The following MEX3A variants were observed in gnomAD, a reference collection of about 807,000 sequenced individuals.
The protein encoded by MEX3A is RNA-binding protein MEX3A.
MEX3A carries 4 observed loss-of-function variants against 30.0 expected under a neutral mutation model. The observed-to-expected ratio is 0.13, with a 90% CI of 0.07 to 0.30. MEX3A has a LOEUF of 0.30. MEX3A is among the 10% of genes least tolerant of loss of function. MEX3A has a pLI of 1.00. For synonymous variants in MEX3A, 335 were observed against 327.6 expected, an observed-to-expected ratio of 1.02 and a Z score of -0.24; for missense variants, 555 against 736.7, an observed-to-expected ratio of 0.75 and a Z score of 2.86.
chr1:156,072,300 T>G lies in MEX3A; in HGVS notation c.*4274A>C. 2 of 142,422 alleles carry G rather than the reference T, an allele frequency of 1.4e-5. No homozygotes were observed. Among genetic ancestry groups the G allele is most frequent in the South Asian group, 2.4e-4 (1 of 4,102 alleles). The allele number at this position is 142,422 out of a possible 1,614,324, so 8.8% of individuals were successfully genotyped here. A position where few individuals can be genotyped will look rare whatever the true frequency, so the allele number is the denominator to read the frequency against. On this transcript the variant is annotated 3_prime_UTR_variant, in exon 2 of 2. Transcript: ENST00000532414. ...CAGGGCTGTCTCCACCCACCCCCCC[T>G]TCCCCACCCGCACCCTCGAGTGGGG... is the stretch of plus-strand genomic sequence containing the variant.
Position 156,076,934 on chromosome 1 carries a change from GGTGGGCGTGGCGTTCTCC to G in MEX3A, c.1185_1202del (p.Gln395_Thr401delinsHis), listed in dbSNP as rs1648090285. The stretch of plus-strand genomic sequence containing the variant: ...AGGAGGCAGAGGAGAAGAGCACGGA[GGTGGGCGTGGCGTTCTCC>G]TGGCCCGCCCACAGCGGGGGGCTAG... On this transcript the variant is annotated inframe_deletion, in exon 2 of 2. Coordinates refer to ENST00000532414, the MANE Select transcript of MEX3A (RefSeq NM_001093725.2). The surrounding 1 kb of genome is among the most constrained non-coding windows in gnomAD (Gnocchi z 6.0). The G allele has an allele frequency of 6.2e-7, 1 of 1,602,444 alleles. No homozygotes were observed. The highest frequency in any genetic ancestry group is 1.3e-5 in the African/African-American group (1 of 74,724).
Position 156,077,606 on chromosome 1 carries a change from G to T in MEX3A, c.531C>A (p.Phe177Leu). ...KTPVRGEEPVFMVTGRREDVA... is the reference protein window; with the variant it reads ...KTPVRGEEPVLMVTGRREDVA... ...CGTCCTCCCGTCGCCCTGTCACCAT[G>T]AACACTGGTTCCTCGCCCCTCACCG... is the stretch of plus-strand genomic sequence containing the variant. Residue 177 changes from phenylalanine (F) to leucine (L), a missense_variant, in exon 2 of 2, where the codon TTC becomes TTA. Phe to Leu is a conservative substitution (Grantham distance 22). This residue lies in a region of MEX3A where 32 missense variants were observed against 107.4 expected (regional missense o/e 0.30). Coordinates refer to ENST00000532414, the MANE Select transcript of MEX3A (RefSeq NM_001093725.2). This position sits in a 1 kb window ranked among gnomAD's most constrained non-coding sequence, Gnocchi z 8.3. 6.2e-7 allele frequency: 1 copy of T among 1,610,704 alleles called. No individual in the cohort carries two copies.
In MEX3A at chr1:156,076,862, T is replaced by C. The variant is rs1181540358; in HGVS notation, c.1275A>G (p.Ala425=). 1.3e-6 allele frequency: 2 copies of C among 1,536,784 alleles called. No individual in the cohort carries two copies. The highest frequency in any genetic ancestry group is 2.8e-5 in the African/African-American group (2 of 72,720). ...SAKARAGPPG[A]HRSPATSAGP... ...CCGCGGAAGTGGCAGGGGAGCGGTG[T>C]GCGCCCGGGGGCCCAGCGCGGGCCT... Residue 425 remains alanine (A), a synonymous_variant, in exon 2 of 2, where the codon GCA becomes GCG. Transcript: ENST00000532414. This position sits in a 1 kb window ranked among gnomAD's most constrained non-coding sequence, Gnocchi z 6.0.
rs867531733 is a variant in MEX3A, at chr1:156,077,518, G to A, written c.619C>T (p.Arg207Cys). 1.2e-6 allele frequency: 2 copies of A among 1,612,534 alleles called. No homozygotes were observed. Among genetic ancestry groups the A allele is most frequent in the Non-Finnish European group, 1.7e-6 (2 of 1,179,340 alleles). The change falls in exon 2 of 2, where the codon CGC (arginine) becomes TGC (cysteine). Residue 207 changes from arginine (R) to cysteine (C), a missense_variant. Transcript: ENST00000532414. This position sits in a 1 kb window ranked among gnomAD's most constrained non-coding sequence, Gnocchi z 8.3. ...CCAAAGGCGGCGCCTGACTTGTTGC[G>A]GGAGGCACGGATCATGGAGAAGTGC... ...AEHFSMIRAS[R>C]NKSGAAFGVA...
rs994991641 is a variant in MEX3A at position 156,082,304 on chromosome 1, G to A, written c.-306C>T. Among the ~76,000 whole-genome samples, 1 of 151,830 alleles carries A rather than the reference G, an allele frequency of 6.6e-6. No homozygotes were observed. Among genetic ancestry groups the A allele is most frequent in the African/African-American group, 2.4e-5 (1 of 41,348 alleles). ...CTCCGGGGGTGACGGGGGGCGGGGG[G>A]CTGCAGGATCTCTGCCCCCACCCCT... On this transcript the variant is annotated 5_prime_UTR_variant, in exon 1 of 2. Coordinates refer to ENST00000532414, the MANE Select transcript of MEX3A (RefSeq NM_001093725.2).
rs1648068701 is a variant in MEX3A, at chr1:156,076,556, A to C, written c.*18T>G. Reference sequence around the variant, plus strand: ...GTGGGCCCAGTGGAGTGGGCCCCGGAGGCATGGGGCACGGGGCTTAGGAGA... The same window carrying C: ...GTGGGCCCAGTGGAGTGGGCCCCGGCGGCATGGGGCACGGGGCTTAGGAGA... On this transcript the variant is annotated 3_prime_UTR_variant, in exon 2 of 2. Coordinates refer to ENST00000532414, the MANE Select transcript of MEX3A (RefSeq NM_001093725.2). This position sits in a 1 kb window ranked among gnomAD's most constrained non-coding sequence, Gnocchi z 6.0. 5 of 1,596,576 alleles carry C rather than the reference A, an allele frequency of 3.1e-6. No homozygotes were observed. The South Asian group carries it at 3.4e-5, about 11-fold the overall frequency.
intron 1 of MEX3A, among the ~76,000 whole-genome samples, chr1:156,079,525 C>G (rs550203004): frequency 6.6e-6 from 1 of 152,154 alleles, no homozygotes; most frequent in Non-Finnish European, 1.5e-5. Context: ...ACCCTCCCCT[C>G]ACTTTTAAAA....
In MEX3A at chr1:156,082,229, G is replaced by A. The variant is rs955697675; in HGVS notation, c.-231C>T. 6.6e-6 allele frequency among the ~76,000 whole-genome samples: 1 copy of A among 151,262 alleles called. No homozygotes were observed. Among genetic ancestry groups the A allele is most frequent in the Non-Finnish European group, 1.5e-5 (1 of 67,610 alleles). On this transcript the variant is annotated 5_prime_UTR_variant, in exon 1 of 2. Transcript: ENST00000532414. The stretch of plus-strand genomic sequence containing the variant: ...CTCCCCTCGCCCCAGCCCCCGGGGT[G>A]GGGGTGGGGGGAAAGAGAAGCAAAA...
chr1:156,081,859 A>C lies in MEX3A; in HGVS notation c.140T>G (p.Leu47Arg). The C allele has an allele frequency of 2.8e-6, 4 of 1,409,576 alleles. No homozygotes were observed. The highest frequency in any genetic ancestry group is 3.7e-5 in the East Asian group (1 of 26,890). 87.3% of individuals were successfully genotyped at this position (1,409,576 alleles called of 1,614,324 possible). The change falls in exon 1 of 2, where the codon CTC (leucine) becomes CGC (arginine). Residue 47 changes from leucine to arginine, a missense_variant. Physicochemically the swap from Leu to Arg is moderately radical, Grantham distance 102. This residue lies in a region of MEX3A where 159 missense variants were observed against 159.9 expected (regional missense o/e 0.99). Transcript: ENST00000532414. ...ALQLALDQLCLLGLGEPPAPT... is the reference protein window; with the variant it reads ...ALQLALDQLCRLGLGEPPAPT... The stretch of plus-strand genomic sequence containing the variant: ...GGCGGGGGGCTCCCCCAAACCCAGG[A>C]GGCAGAGTTGATCGAGAGCCAGCTG...
chr1:156,077,681 G>A lies in MEX3A; in HGVS notation c.456C>T (p.Gly152=). Residue 152 remains glycine, a splice_region_variant and synonymous_variant, in exon 2 of 2, where the codon GGC becomes GGT. Transcript: ENST00000532414. This position sits in a 1 kb window ranked among gnomAD's most constrained non-coding sequence, Gnocchi z 8.3. The part of the protein sequence containing the change: ...EHVAEIVGRQ[G]CKIKALRAKT... ...TGGCCCTCAAGGCCTTAATCTTGCA[G>A]CCTGGGATAGGGCGGGGAAGGAGAG... 1 of 1,583,706 alleles carries A rather than the reference G, an allele frequency of 6.3e-7. No individual in the cohort carries two copies. The highest frequency in any genetic ancestry group is 8.6e-7 in the Non-Finnish European group (1 of 1,168,286).
At chr1:156,081,486 G>C (rs1349126115) in intron 1 of MEX3A, 59 bp downstream of exon 1, 5 of 1,439,432 alleles carry the variant, frequency 3.5e-6, no homozygotes, top group Non-Finnish European at 4.8e-6. Flanking sequence ...AACTTTCCGC[G>C]CTAGGGACGA....
Position 156,076,857 on chromosome 1 carries a change from C to G in MEX3A, c.1280G>C (p.Arg427Pro), listed in dbSNP as rs1235177373. 1 of 1,537,322 alleles carries G rather than the reference C, an allele frequency of 6.5e-7. No individual in the cohort carries two copies. Among genetic ancestry groups the G allele is most frequent in the South Asian group, 1.2e-5 (1 of 81,512 alleles). ...GGGTCCCGCGGAAGTGGCAGGGGAGCGGTGTGCGCCCGGGGGCCCAGCGCG... is the reference window on the plus strand; with the variant it reads ...GGGTCCCGCGGAAGTGGCAGGGGAGGGGTGTGCGCCCGGGGGCCCAGCGCG... ...KARAGPPGAH[R>P]SPATSAGPEL... Residue 427 changes from arginine (R) to proline (P), a missense_variant, in exon 2 of 2, where the codon CGC becomes CCC. This residue lies in a region of MEX3A where 281 missense variants were observed against 265.1 expected (regional missense o/e 1.06). Transcript: ENST00000532414. The surrounding 1 kb of genome is among the most constrained non-coding windows in gnomAD (Gnocchi z 6.0).
chr1:156,082,015 G>A lies in MEX3A; in HGVS notation c.-17C>T. 2.0e-6 allele frequency: 3 copies of A among 1,476,080 alleles called. No individual in the cohort carries two copies. The highest frequency in any genetic ancestry group is 2.7e-6 in the Non-Finnish European group (3 of 1,105,186). 91.4% of individuals were successfully genotyped at this position (1,476,080 alleles called of 1,614,324 possible). On this transcript the variant is annotated 5_prime_UTR_variant, in exon 1 of 2. Coordinates refer to ENST00000532414, the MANE Select transcript of MEX3A (RefSeq NM_001093725.2). ...ACTAGGCATGGCGAAACAAAAGCTG[G>A]GGGAGAGAGAGAGGGAGAGAGAGAG...
At chr1:156,081,428 T>G in intron 1 of MEX3A, 117 bp downstream of exon 1, 1 of 885,060 alleles carries the variant, frequency 1.1e-6, no homozygotes, top group East Asian at 3.0e-5. Flanking sequence ...CGGGTCCCCC[T>G]TTGTGGGGAA....
rs1329315253 is a variant in MEX3A, at chr1:156,079,172, G to A, written c.455-1490C>T. On this transcript the variant is annotated intron_variant, in intron 1 of 1. Transcript: ENST00000532414. ...CTTCTTCAACGCTGGCAGATTGGGG[G>A]GTGAGGGGAAGAGAGTAGGTTGGGG... Among the ~76,000 whole-genome samples the A allele has an allele frequency of 3.9e-5, 6 of 151,976 alleles. No individual in the cohort carries two copies. In the East Asian group the frequency reaches 1.2e-3, roughly 29 times the overall value.
chr1:156,081,154 C>T (rs564769727), intron 1 of MEX3A, among the ~76,000 whole-genome samples: 104 of 152,348 alleles, frequency 6.8e-4, no homozygotes, highest in African/African-American at 2.4e-3. Context: ...CCAGGGATGC[C>T]CCCTCCCCAG....
At position 156,077,480 on chromosome 1, in the gene MEX3A, A is replaced by T. The variant is rs1322664971; in HGVS notation, c.657T>A (p.Ala219=). The change falls in exon 2 of 2, where the codon GCT becomes GCA. Residue 219 remains alanine, a synonymous_variant. Transcript: ENST00000532414. This position sits in a 1 kb window ranked among gnomAD's most constrained non-coding sequence, Gnocchi z 8.3. ...KSGAAFGVAP[A]LPGQVTIRVR... is the part of the protein sequence containing the mutation. ...CACGGATGGTCACCTGGCCGGGCAG[A>T]GCAGGAGCCACACCAAAGGCGGCGC... is the stretch of plus-strand genomic sequence containing the variant. 6.2e-7 allele frequency: 1 copy of T among 1,613,316 alleles called. No homozygotes were observed. Among genetic ancestry groups the T allele is most frequent in the Admixed American group, 1.7e-5 (1 of 59,928 alleles).
intron 1 of MEX3A, among the ~76,000 whole-genome samples, chr1:156,080,846 G>A (rs987694335): frequency 1.3e-5 from 2 of 150,550 alleles, no homozygotes; most frequent in African/African-American, 2.5e-5. Context: ...GCCCAAGGCC[G>A]TGGCCAGCCC....
chr1:156,080,866 G>A (rs1648204493), intron 1 of MEX3A, among the ~76,000 whole-genome samples: 1 of 151,752 alleles, frequency 6.6e-6, no homozygotes, highest in African/African-American at 2.4e-5. Flanking sequence ...CAGAACAAAA[G>A]CCAGAGAGGG....
Sources: allele counts gnomAD v4.1 joint callset (sites outside exome capture counted in the v4.1 genomes callset), GRCh38; gene constraint gnomAD v4.1.1; regional missense constraint gnomAD v4.1.1; non-coding constraint Gnocchi (gnomAD v3.1); transcripts MANE v1.5; gene names NCBI Gene and HGNC (gene_info 2026-07-23, HGNC 2026-07-21).